SLC35F5: variants seen among roughly 807,000 people sequenced by gnomAD.
SLC35F5 encodes the protein solute carrier family 35 member F5, also known as HCV NS5A-transactivated protein 3.
A neutral mutation model predicts 68.6 loss-of-function variants in SLC35F5; 54 were observed. That is an observed-to-expected ratio of 0.79 (90% CI 0.63 to 0.99). The LOEUF (loss-of-function observed/expected upper bound fraction) is 0.99. Among genes scored for constraint, SLC35F5 ranks in the 50% least tolerant of loss-of-function variants. The pLI, the probability that SLC35F5 is intolerant of heterozygous loss-of-function variation, is 0.00. For synonymous variants in SLC35F5, 211 were observed against 205.2 expected, an observed-to-expected ratio of 1.03 and a Z score of -0.24; for missense variants, 567 against 626.9, an observed-to-expected ratio of 0.90 and a Z score of 1.02.
chr2:113,720,561 G>A (rs1484339449), intron 13 of SLC35F5, among the ~76,000 whole-genome samples: 3 of 151,976 alleles, frequency 2.0e-5, no homozygotes, highest in African/African-American at 2.4e-5. Flanking sequence ...AGAAGACCCC[G>A]GAAAGAATAG....
chr2:113,725,760 C>T (rs189339085), intron 11 of SLC35F5: 1 of 409,330 alleles, frequency 2.4e-6, no homozygotes, highest in African/African-American at 2.1e-5. Flanking sequence ...CAACTACCCA[C>T]ATTGTATGGG....
At chr2:113,742,937 C>G in intron 6 of SLC35F5, 58 bp from the exon 7 acceptor site, 1 of 1,508,844 alleles carries the variant, frequency 6.6e-7, no homozygotes, top group Non-Finnish European at 9.1e-7. Flanking sequence ...ACAAAAGTCA[C>G]AAGTTTTAAT....
At chr2:113,725,972 G>C (rs185526859) in intron 11 of SLC35F5, 1 of 153,250 alleles carries the variant, frequency 6.5e-6, no homozygotes, top group African/African-American at 2.4e-5. Context: ...TGTGCTTTGC[G>C]AGCAATAATG....
intron 3 of SLC35F5, among the ~76,000 whole-genome samples, chr2:113,753,434 C>T (rs1221749405): frequency 1.3e-5 from 2 of 152,176 alleles, no homozygotes; most frequent in East Asian, 3.9e-4. Context: ...ACCTGATCTT[C>T]CCAAAGTGTT....
Position 113,725,452 on chromosome 2 carries a change from G to A in SLC35F5, c.1176C>T (p.Pro392=). Residue 392 remains proline, a synonymous_variant, in exon 12 of 16, where the codon CCC becomes CCT. Transcript: ENST00000245680. The part of the protein sequence containing the change: ...HYTGFEDFEF[P]NKVVLMCIII... ...TAATGCACATTAATACTACTTTATT[G>A]GGAAACTCGAAGTCCTCAAATCCAG... 6.2e-7 allele frequency: 1 copy of A among 1,611,038 alleles called. No homozygotes were observed. Among genetic ancestry groups the A allele is most frequent in the Non-Finnish European group, 8.5e-7 (1 of 1,178,998 alleles).
rs74329979 is a variant in SLC35F5, at chr2:113,735,776, C to A, written c.832+1G>T. 1 of 1,593,242 alleles carries A rather than the reference C, an allele frequency of 6.3e-7. No individual in the cohort carries two copies. Among genetic ancestry groups the A allele is most frequent in the Non-Finnish European group, 8.6e-7 (1 of 1,167,154 alleles). The stretch of plus-strand genomic sequence containing the variant: ...CAGATTTTTAAAGACAAATTTCTTA[C>A]CGGAAGTTGAAGATAAAATATTAAC... On this transcript the variant is annotated splice_donor_variant, in intron 8 of 15. Transcript: ENST00000245680. LOFTEE classifies it high-confidence loss of function.
rs2104958906 is a variant in SLC35F5 at position 113,713,890 on chromosome 2, C to CA, written c.*1327dup. ...CTTCATTTTAGACTCATGGTAACAC[C>CA]AAAGCAATTTTAAGAATGTGAATAG... On this transcript the variant is annotated 3_prime_UTR_variant, in exon 16 of 16. Coordinates refer to ENST00000245680, the MANE Select transcript of SLC35F5 (RefSeq NM_025181.5). The CA allele has an allele frequency of 6.6e-6, 1 of 151,808 alleles. No homozygotes were observed. Among genetic ancestry groups the CA allele is most frequent in the African/African-American group, 2.4e-5 (1 of 41,372 alleles). 9.4% of individuals were successfully genotyped at this position (151,808 alleles called of 1,614,324 possible).
intron 12 of SLC35F5, among the ~76,000 whole-genome samples, chr2:113,725,039 C>G (rs1463558223): frequency 6.6e-6 from 1 of 152,192 alleles, no homozygotes; most frequent in Non-Finnish European, 1.5e-5. Flanking sequence ...ACTTGGCATA[C>G]ATACCTCATA....
chr2:113,751,718 G>A (rs1450021812), intron 3 of SLC35F5, among the ~76,000 whole-genome samples: 2 of 152,164 alleles, frequency 1.3e-5, no homozygotes, highest in Non-Finnish European at 2.9e-5. Flanking sequence ...GCTGAGGCAG[G>A]AGAATCACTT....
chr2:113,705,783 A>T (rs1305435530), downstream of SLC35F5, among the ~76,000 whole-genome samples: 2 of 60,636 alleles, frequency 3.3e-5, no homozygotes, highest in Non-Finnish European at 8.6e-5. Flanking sequence ...CAAAGCTTCT[A>T]TGAATACACT....
downstream of SLC35F5, among the ~76,000 whole-genome samples, chr2:113,704,756 C>T (rs576604968): frequency 2.8e-3 from 420 of 152,206 alleles, 4 homozygotes; most frequent in Non-Finnish European, 5.2e-3. Flanking sequence ...GCAAGCACCG[C>T]GCGCAGCCCC....
rs1321546142 is a variant in SLC35F5, at chr2:113,714,493, C to A, written c.*725G>T. 2 of 152,044 alleles carry A rather than the reference C, an allele frequency of 1.3e-5. No homozygotes were observed. Among genetic ancestry groups the A allele is most frequent in the Admixed American group, 6.5e-5 (1 of 15,268 alleles). 9.4% of individuals were successfully genotyped at this position (152,044 alleles called of 1,614,324 possible). A position where few individuals can be genotyped will look rare whatever the true frequency, so the allele number is the denominator to read the frequency against. ...AGAGCTTTATCAATTAAGTTTACAGCAATATAGCCTTTAGAAATACATATT... is the reference window on the plus strand; with the variant it reads ...AGAGCTTTATCAATTAAGTTTACAGAAATATAGCCTTTAGAAATACATATT... On this transcript the variant is annotated 3_prime_UTR_variant, in exon 16 of 16. Transcript: ENST00000245680.
chr2:113,756,496 C>A lies in SLC35F5; in HGVS notation c.-87G>T. 5.9e-6 allele frequency: 9 copies of A among 1,519,456 alleles called. No homozygotes were observed. The highest frequency in any genetic ancestry group is 2.0e-5 in the Admixed American group (1 of 49,582). The allele number at this position is 1,519,456 out of a possible 1,614,324, so 94.1% of individuals were successfully genotyped here. A position where few individuals can be genotyped will look rare whatever the true frequency, so the allele number is the denominator to read the frequency against. On this transcript the variant is annotated 5_prime_UTR_variant, in exon 1 of 16. Transcript: ENST00000245680. Reference sequence around the variant, plus strand: ...GCTGTCACCGCGCCTGACATCGCGCCGCACTGGAGGCCCAGCTCCTGAAGA... The same window carrying A: ...GCTGTCACCGCGCCTGACATCGCGCAGCACTGGAGGCCCAGCTCCTGAAGA...
intron 3 of SLC35F5, among the ~76,000 whole-genome samples, chr2:113,752,935 G>A (rs895337258): frequency 6.6e-6 from 1 of 152,070 alleles, no homozygotes. Context: ...GAAAGAAATC[G>A]TGGGTGAAAT....
At chr2:113,756,343 T>C (rs899639621) in intron 1 of SLC35F5, 27 bp downstream of exon 1, 6 of 1,563,514 alleles carry the variant, frequency 3.8e-6, no homozygotes, top group Non-Finnish European at 5.2e-6. Flanking sequence ...GCTCCGGTGA[T>C]GTCGGGGCCC....
chr2:113,718,781 C>T (rs1055558793), intron 14 of SLC35F5, among the ~76,000 whole-genome samples: 4 of 144,478 alleles, frequency 2.8e-5, no homozygotes, highest in Non-Finnish European at 6.0e-5. Flanking sequence ...GGCTACAGAG[C>T]AAGACTCTGT....
chr2:113,752,431 C>T (rs556527920), intron 3 of SLC35F5, among the ~76,000 whole-genome samples: 147 of 152,234 alleles, frequency 9.7e-4, no homozygotes, highest in Non-Finnish European at 1.8e-3. Context: ...TAAAGTGAGA[C>T]TTGCAGTCAT....
intron 3 of SLC35F5, among the ~76,000 whole-genome samples, chr2:113,751,603 A>G (rs1676743197): frequency 6.6e-6 from 1 of 151,892 alleles, no homozygotes; most frequent in South Asian, 2.1e-4. Context: ...TGAAGTCAGG[A>G]GTTTAAGCCC....
At chr2:113,743,589 A>G in intron 6 of SLC35F5, 124 bp downstream of exon 6, 1 of 632,810 alleles carries the variant, frequency 1.6e-6, no homozygotes, top group Non-Finnish European at 2.8e-6. Flanking sequence ...CTAGAAGACT[A>G]TAGGCTGAGT....
Sources: allele counts gnomAD v4.1 joint callset (sites outside exome capture counted in the v4.1 genomes callset), GRCh38; gene constraint gnomAD v4.1.1; transcripts MANE v1.5; gene names NCBI Gene and HGNC (gene_info 2026-07-23, HGNC 2026-07-21).